BICD1: variants seen among roughly 807,000 people sequenced by gnomAD.
BICD1 encodes BICD cargo adaptor 1, also known as protein bicaudal D homolog 1.
In BICD1, 35 loss-of-function variants were observed where a neutral mutation model predicts 92.5. That is an observed-to-expected ratio of 0.38 (90% confidence interval 0.29 to 0.50). The LOEUF is 0.50. BICD1 is among the 20% of genes least tolerant of loss of function. The pLI is 0.93. For synonymous variants in BICD1, 429 were observed against 465.1 expected (o/e 0.92, Z 1.00); for missense variants, 950 against 1,189.8 (o/e 0.80, Z 2.97).
chr12:32,338,930 C>A lies in BICD1; in HGVS notation c.2715C>A (p.Ile905=). ...GCCCCCCTTCCATGAGTGAATTCAT[C>A]CAAGGGCACCGGCTCAGCAAGGAAA... ...LKGPPSMSEF[I]QGHRLSKEKR... is the part of the protein sequence containing the mutation. The change falls in exon 8 of 10, where the codon ATC becomes ATA. Residue 905 remains isoleucine (I), a synonymous_variant. Transcript: ENST00000652176. 1 of 1,608,018 alleles carries A rather than the reference C, an allele frequency of 6.2e-7. No individual in the cohort carries two copies. Among genetic ancestry groups the A allele is most frequent in the African/African-American group, 1.3e-5 (1 of 74,790 alleles).
chr12:32,153,573 A>G (rs1169673260), intron 1 of BICD1, among the ~76,000 whole-genome samples: 2 of 152,150 alleles, frequency 1.3e-5, no homozygotes, highest in Non-Finnish European at 2.9e-5. Flanking sequence ...CTTGGGCAAC[A>G]TGGCGAAAGT....
At chr12:32,375,765 T>G (rs1359303417) in intron 9 of BICD1, among the ~76,000 whole-genome samples, 1 of 152,230 alleles carries the variant, frequency 6.6e-6, no homozygotes, top group Non-Finnish European at 1.5e-5. Flanking sequence ...AATTATGATT[T>G]TGTATTAAAA....
At chr12:32,116,073 T>C (rs890605156) in intron 1 of BICD1, among the ~76,000 whole-genome samples, 1 of 152,168 alleles carries the variant, frequency 6.6e-6, no homozygotes, top group Non-Finnish European at 1.5e-5. Flanking sequence ...GTTATTACAA[T>C]GGAGGGGAAT....
At chr12:32,240,741 C>A (rs12307792) in intron 2 of BICD1, among the ~76,000 whole-genome samples, 19,161 of 152,064 alleles carry the variant, frequency 0.13, 2,003 homozygotes, top group African/African-American at 0.28. Context: ...CTCCCCACCC[C>A]TTAAAAATGC....
intron 4 of BICD1, 99 bp downstream of exon 4, chr12:32,306,221 T>C (rs2136219460): frequency 8.5e-7 from 1 of 1,182,030 alleles, no homozygotes; most frequent in Non-Finnish European, 1.2e-6. Flanking sequence ...CTAGATTTCT[T>C]TTCTTTTTTC....
At chr12:32,339,201 A>C in intron 8 of BICD1, 1 of 1,276,276 alleles carries the variant, frequency 7.8e-7, no homozygotes, top group Non-Finnish European at 9.8e-7. Context: ...AAAGATGGCA[A>C]ATGAGAGTTG....
chr12:32,120,023 A>G (rs555712953), intron 1 of BICD1, among the ~76,000 whole-genome samples: 1 of 152,362 alleles, frequency 6.6e-6, no homozygotes, highest in South Asian at 2.1e-4. Context: ...ACTGCATTAG[A>G]CAGAGATATA....
rs531945358 is a variant in BICD1 at position 32,267,014 on chromosome 12, T to G, written c.427-26980T>G. ...TCTGTTATGTACTGACAGTCCCCAT[T>G]ACGCTCATGGTTCCATGGTGCCAGC... On this transcript the variant is annotated intron_variant, in intron 2 of 9. Coordinates refer to ENST00000652176, the MANE Select transcript of BICD1 (RefSeq NM_001714.4). Among the ~76,000 whole-genome samples the G allele has an allele frequency of 2.6e-5, 4 of 152,350 alleles. No homozygotes were observed. The South Asian group carries it at 8.3e-4, about 32-fold the overall frequency.
intron 8 of BICD1, among the ~76,000 whole-genome samples, chr12:32,352,159 C>T (rs997380426): frequency 8.6e-5 from 13 of 150,608 alleles, no homozygotes; most frequent in Admixed American, 2.0e-4. Context: ...GAGCCGAGAT[C>T]GTGCCTCTGC....
At position 32,243,434 on chromosome 12, in the gene BICD1, G is replaced by C. The variant is rs139102305; in HGVS notation, c.426+26975G>C. Among the ~76,000 whole-genome samples, 1,501 of 151,770 alleles carry C rather than the reference G, an allele frequency of 9.9e-3. 22 individuals carry two copies. Among genetic ancestry groups the C allele is most frequent in the African/African-American group, 0.027 (1,122 of 41,380 alleles). On this transcript the variant is annotated intron_variant, in intron 2 of 9. Coordinates refer to ENST00000652176, the MANE Select transcript of BICD1 (RefSeq NM_001714.4). The stretch of plus-strand genomic sequence containing the variant: ...TGGCCAGGGTTATTTCTTAGGGATA[G>C]CATTCCAGAAATATAATTAAAATTT...
At chr12:32,192,965 A>G (rs1182367163) in intron 1 of BICD1, among the ~76,000 whole-genome samples, 3 of 152,236 alleles carry the variant, frequency 2.0e-5, no homozygotes, top group African/African-American at 4.8e-5. Context: ...TAAAGATGGA[A>G]TCTACTCCTG....
intron 2 of BICD1, among the ~76,000 whole-genome samples, chr12:32,233,017 A>G (rs1027591508): frequency 1.3e-5 from 2 of 152,206 alleles, no homozygotes; most frequent in Non-Finnish European, 2.9e-5. Context: ...GACATAATGT[A>G]GAAATGGCAA....
At chr12:32,358,649 ATCAC>A (rs1939209979) in intron 8 of BICD1, among the ~76,000 whole-genome samples, 1 of 151,984 alleles carries the variant, frequency 6.6e-6, no homozygotes, top group African/African-American at 2.4e-5. Flanking sequence ...AGGCAGGAGA[ATCAC>A]TTGAACCCGG....
intron 2 of BICD1, among the ~76,000 whole-genome samples, chr12:32,223,220 A>G (rs936859479): frequency 4.6e-5 from 7 of 152,192 alleles, no homozygotes; most frequent in African/African-American, 1.7e-4. Context: ...CAGCCTTCAT[A>G]GAATTGAAGA....
At chr12:32,309,094 A>AT (rs938100788) in intron 4 of BICD1, among the ~76,000 whole-genome samples, 5 of 152,050 alleles carry the variant, frequency 3.3e-5, no homozygotes, top group Admixed American at 6.6e-5. Context: ...CTCATGAACT[A>AT]TTTTTTTGCA....
At chr12:32,208,861 G>T (rs1945135002) in intron 1 of BICD1, among the ~76,000 whole-genome samples, 1 of 151,394 alleles carries the variant, frequency 6.6e-6, no homozygotes, top group Non-Finnish European at 1.5e-5. Context: ...ATCTCACGTT[G>T]TTGCCCAGGC....
In BICD1 at chr12:32,315,188, A is replaced by G. The variant is rs74604164; in HGVS notation, c.1005+9066A>G. Among the ~76,000 whole-genome samples the G allele has an allele frequency of 2.8e-3, 424 of 152,310 alleles. 3 individuals carry two copies. The highest frequency in any genetic ancestry group is 9.7e-3 in the African/African-American group (405 of 41,578). ...TTACACGTGGGCATCCAGTTGTCCC[A>G]GCACCATTTGTTGAAAAGACTATTC... is the stretch of plus-strand genomic sequence containing the variant. On this transcript the variant is annotated intron_variant, in intron 4 of 9. Transcript: ENST00000652176.
At chr12:32,153,785 G>GTGTGTACATATATATATATATA (rs1565551505) in intron 1 of BICD1, among the ~76,000 whole-genome samples, 11 of 146,902 alleles carry the variant, frequency 7.5e-5, no homozygotes, top group Non-Finnish European at 1.2e-4. Context: ...ATATATATGT[G>GTGTGTACATATATATATATATA]TGTGTGTGTG....
At position 32,107,231 on chromosome 12, in the gene BICD1, G is replaced by GTTTCCACCCATCCCTTCCCA; in HGVS notation, c.-95_-76dup. The GTTTCCACCCATCCCTTCCCA allele has an allele frequency of 8.6e-7, 1 of 1,160,946 alleles. No homozygotes were observed. The highest frequency in any genetic ancestry group is 1.6e-5 in the South Asian group (1 of 64,402). The allele number at this position is 1,160,946 out of a possible 1,614,324, so 71.9% of individuals were successfully genotyped here. A position where few individuals can be genotyped will look rare whatever the true frequency, so the allele number is the denominator to read the frequency against. ...TTCATCCGGCCGCACTTTCTTTTCC[G>GTTTCCACCCATCCCTTCCCA]TTTCCACCCATCCCTTCCCATTTCC... is the stretch of plus-strand genomic sequence containing the variant. On this transcript the variant is annotated 5_prime_UTR_variant, in exon 1 of 10. Coordinates refer to ENST00000652176, the MANE Select transcript of BICD1 (RefSeq NM_001714.4).
Sources: gnomAD v4.1 joint callset for allele counts (sites outside exome capture counted in the v4.1 genomes callset) on GRCh38, gnomAD v4.1.1 for gene constraint, MANE v1.5 for transcripts, NCBI Gene and HGNC (gene_info 2026-07-23, HGNC 2026-07-21) for gene names.